CNNM1: variants seen among roughly 807,000 people sequenced by gnomAD.
The protein encoded by CNNM1 is metal transporter CNNM1.
In CNNM1, 44 loss-of-function variants were observed where a neutral mutation model predicts 78.8. The observed-to-expected ratio is 0.56, with a 90% CI of 0.44 to 0.72. The LOEUF (loss-of-function observed/expected upper bound fraction) is 0.72. Among genes scored for constraint, CNNM1 ranks in the 30% least tolerant of loss-of-function variants. The pLI is 0.00. For missense variants in CNNM1, 1,101 were observed against 1,292.2 expected (o/e 0.85, Z 2.27); for synonymous variants, 584 against 581.5 (o/e 1.00, Z -0.06).
chr10:99,342,931 T>C (rs2030517345), intron 1 of CNNM1, among the ~76,000 whole-genome samples: 1 of 152,160 alleles, frequency 6.6e-6, no homozygotes, highest in Admixed American at 6.6e-5. Flanking sequence ...AAATGGAAAC[T>C]TGGTGATCAC....
intron 1 of CNNM1, among the ~76,000 whole-genome samples, chr10:99,351,009 A>G (rs1387712547): frequency 2.6e-5 from 4 of 152,188 alleles, no homozygotes; most frequent in Non-Finnish European, 5.9e-5. Flanking sequence ...GGGGGGCAAA[A>G]TCACCTCCAT....
At chr10:99,381,210 A>G (rs2134075333) in intron 7 of CNNM1, among the ~76,000 whole-genome samples, 1 of 151,868 alleles carries the variant, frequency 6.6e-6, no homozygotes, top group East Asian at 1.9e-4. Context: ...CAGGAGTTTC[A>G]GACCAGCCTG....
At chr10:99,388,917 G>A (rs59208543) in intron 9 of CNNM1, among the ~76,000 whole-genome samples, 4,967 of 152,208 alleles carry the variant, frequency 0.033, 278 homozygotes, top group African/African-American at 0.11. Context: ...TGCCTTGACA[G>A]TGGTGTTGCT....
chr10:99,381,833 T>G (rs554545991), intron 7 of CNNM1, among the ~76,000 whole-genome samples: 1 of 152,068 alleles, frequency 6.6e-6, no homozygotes, highest in African/African-American at 2.4e-5. Context: ...CTCTTTTTTT[T>G]AACACAAGTG....
intron 6 of CNNM1, among the ~76,000 whole-genome samples, chr10:99,369,593 G>A (rs1430013332): frequency 1.3e-5 from 2 of 151,972 alleles, no homozygotes; most frequent in African/African-American, 4.8e-5. Context: ...TATTTATGTT[G>A]ACTTCTGTTT....
chr10:99,390,429 C>G, intron 10 of CNNM1, 22 bp downstream of exon 10: 1 of 1,534,700 alleles, frequency 6.5e-7, no homozygotes, highest in Non-Finnish European at 9.0e-7. Context: ...GTTCTTCACC[C>G]AAATGAGAGC....
At chr10:99,344,971 C>G (rs1003386546) in intron 1 of CNNM1, among the ~76,000 whole-genome samples, 1 of 152,186 alleles carries the variant, frequency 6.6e-6, no homozygotes, top group Non-Finnish European at 1.5e-5. Flanking sequence ...GCCCATTGCT[C>G]TTAACACGTC....
At chr10:99,339,809 C>T (rs1311613409) in intron 1 of CNNM1, among the ~76,000 whole-genome samples, 6 of 152,146 alleles carry the variant, frequency 3.9e-5, no homozygotes, top group Non-Finnish European at 8.8e-5. Flanking sequence ...TCCAAAATGC[C>T]AGTGGTTTAC....
intron 1 of CNNM1, among the ~76,000 whole-genome samples, chr10:99,348,184 A>T (rs1351839222): frequency 6.6e-6 from 1 of 151,530 alleles, no homozygotes; most frequent in Non-Finnish European, 1.5e-5. Context: ...CTGGGACTAC[A>T]GGCATGCACC....
chr10:99,342,371 C>T (rs925019562), intron 1 of CNNM1, among the ~76,000 whole-genome samples: 1 of 152,136 alleles, frequency 6.6e-6, no homozygotes, highest in Non-Finnish European at 1.5e-5. Context: ...ATTCTGGTGA[C>T]GAACAACTAT....
Position 99,330,714 on chromosome 10 carries a change from C to G in CNNM1, c.1327C>G (p.Arg443Gly), listed in dbSNP as rs1850597334. The G allele has an allele frequency of 6.2e-7, 1 of 1,613,912 alleles. No individual in the cohort carries two copies. ...CCCCCTGGGAGACTGCTTCATGCTG[C>G]GCTCAGACGCGGTGCTCGACTTCGC... ...LTPLGDCFML[R>G]SDAVLDFATV... is the part of the protein sequence containing the mutation. Residue 443 changes from arginine (R) to glycine (G), a missense_variant, in exon 1 of 11, where the codon CGC (arginine) becomes GGC (glycine). By Grantham distance (125) the Arg-to-Gly change is moderately radical (BLOSUM62 -2). Around this residue, in one of 3 missense-constraint regions of CNNM1, gnomAD observed 277 missense variants for 423.2 expected, o/e 0.65. Coordinates refer to ENST00000356713, the MANE Select transcript of CNNM1 (RefSeq NM_020348.3).
At chr10:99,358,395 G>C (rs1435578914) in intron 2 of CNNM1, among the ~76,000 whole-genome samples, 3 of 152,188 alleles carry the variant, frequency 2.0e-5, no homozygotes, top group South Asian at 2.1e-4. Flanking sequence ...TGTTATCTAA[G>C]TCCATGGGAG....
At chr10:99,375,046 G>A (rs2031920351) in intron 6 of CNNM1, among the ~76,000 whole-genome samples, 1 of 152,136 alleles carries the variant, frequency 6.6e-6, no homozygotes, top group African/African-American at 2.4e-5. Context: ...GCTGAGGCGG[G>A]AGGAGGTGGG....
chr10:99,335,758 T>C (rs1272144106), intron 1 of CNNM1, among the ~76,000 whole-genome samples: 1 of 152,206 alleles, frequency 6.6e-6, no homozygotes, highest in Admixed American at 6.5e-5. Context: ...AAATTTATTT[T>C]CTCGCAATTC....
chr10:99,362,495 G>A, intron 4 of CNNM1, 99 bp downstream of exon 4: 1 of 1,306,946 alleles, frequency 7.7e-7, no homozygotes, highest in Non-Finnish European at 1.0e-6. Flanking sequence ...CCAAGACTTG[G>A]CTGGCTGCCT....
intron 1 of CNNM1, among the ~76,000 whole-genome samples, chr10:99,351,342 ACT>A (rs1160863357): frequency 8.5e-5 from 13 of 152,348 alleles, no homozygotes; most frequent in African/African-American, 3.1e-4. Flanking sequence ...GTCAATTACT[ACT>A]TTTTGCCCAC....
chr10:99,391,538 T>A lies in CNNM1; in HGVS notation c.*22T>A. The A allele has an allele frequency of 1.9e-6, 3 of 1,604,554 alleles. No individual in the cohort carries two copies. The highest frequency in any genetic ancestry group is 2.6e-6 in the Non-Finnish European group (3 of 1,172,206). On this transcript the variant is annotated 3_prime_UTR_variant, in exon 11 of 11. Transcript: ENST00000356713. ...ATGACAGGGCAAAGCCAGCATTCAC[T>A]GGGTGTGTGAAATTCCAGAGCTTTG...
intron 1 of CNNM1, among the ~76,000 whole-genome samples, chr10:99,356,580 G>GAAAGAAAGAA (rs2031201222): frequency 5.5e-5 from 3 of 54,784 alleles, no homozygotes; most frequent in Non-Finnish European, 1.7e-4. Context: ...AAGAAAGAAA[G>GAAAGAAAGAA]AAAGAAAGAA....
chr10:99,363,321 G>A (rs2031500496), intron 4 of CNNM1, among the ~76,000 whole-genome samples: 1 of 152,126 alleles, frequency 6.6e-6, no homozygotes, highest in African/African-American at 2.4e-5. Context: ...ATGTAGTCAT[G>A]TGCTTCACTG....
Sources: allele counts gnomAD v4.1 joint callset (sites outside exome capture counted in the v4.1 genomes callset), GRCh38; gene constraint gnomAD v4.1.1; regional missense constraint gnomAD v4.1.1; transcripts MANE v1.5; gene names NCBI Gene and HGNC (gene_info 2026-07-23, HGNC 2026-07-21).